Variants in MYO5A observed in about 807,000 individuals in gnomAD.
The protein encoded by MYO5A is unconventional myosin-Va.
Under a neutral mutation model 249.7 loss-of-function variants are expected in MYO5A, and 98 were observed. The observed-to-expected ratio is 0.39, with a 90% CI of 0.33 to 0.46. MYO5A has a LOEUF of 0.46. Ranked by LOEUF, MYO5A falls within the 20% of genes least tolerant of loss-of-function variation. The probability of loss-of-function intolerance (pLI) is 0.98; values close to 1 mark genes in which losing one functional copy is unlikely to be tolerated. For missense variants in MYO5A, 1,696 were observed against 2,308.8 expected (o/e 0.73, Z 5.44); for synonymous variants, 778 against 810.6 (o/e 0.96, Z 0.68).
intron 1 of MYO5A, among the ~76,000 whole-genome samples, chr15:52,488,066 C>T (rs1404098597): frequency 6.6e-6 from 1 of 151,628 alleles, no homozygotes; most frequent in Non-Finnish European, 1.5e-5. Flanking sequence ...ACTTCTGTAG[C>T]AAAAAGTTCC....
intron 9 of MYO5A, among the ~76,000 whole-genome samples, chr15:52,398,014 G>A (rs2042563974): frequency 1.3e-5 from 2 of 152,204 alleles, no homozygotes; most frequent in African/African-American, 2.4e-5. Context: ...GTGAAAGGAG[G>A]AGAAAAGGAT....
At chr15:52,453,288 T>C (rs1305295098) in intron 1 of MYO5A, among the ~76,000 whole-genome samples, 1 of 152,138 alleles carries the variant, frequency 6.6e-6, no homozygotes, top group African/African-American at 2.4e-5. Context: ...TTCAATGTGC[T>C]GAAAGACAAA....
intron 34 of MYO5A, 51 bp from the exon 35 acceptor site, chr15:52,330,550 TGA>T (rs1435805744): frequency 2.5e-6 from 4 of 1,603,894 alleles, no homozygotes; most frequent in African/African-American, 2.7e-5. Context: ...ATAAAAAACA[TGA>T]GAGGTCTCCA....
intron 1 of MYO5A, among the ~76,000 whole-genome samples, chr15:52,472,117 T>C (rs946330428): frequency 2.0e-5 from 3 of 151,300 alleles, no homozygotes; most frequent in Admixed American, 6.6e-5. Context: ...TCGCTCTTGT[T>C]GCCCAGGCTG....
At chr15:52,409,623 T>C (rs2141232227) in intron 6 of MYO5A, among the ~76,000 whole-genome samples, 1 of 152,264 alleles carries the variant, frequency 6.6e-6, no homozygotes, top group East Asian at 1.9e-4. Context: ...TGAACCTCAA[T>C]GCAGTGGGCA....
At chr15:52,458,217 G>A (rs1346827152) in intron 1 of MYO5A, among the ~76,000 whole-genome samples, 4 of 152,268 alleles carry the variant, frequency 2.6e-5, no homozygotes, top group South Asian at 4.1e-4. Context: ...TATAGCTAAC[G>A]ACAATGTATT....
chr15:52,335,075 G>A (rs1323699573), intron 34 of MYO5A, among the ~76,000 whole-genome samples: 1 of 152,246 alleles, frequency 6.6e-6, no homozygotes, highest in Non-Finnish European at 1.5e-5. Flanking sequence ...AACATCCTCA[G>A]TGATGGGGAA....
chr15:52,330,518 A>T lies in MYO5A; in HGVS notation c.4409-19T>A, dbSNP rs1416573574. 2.5e-6 allele frequency: 4 copies of T among 1,613,884 alleles called. No individual in the cohort carries two copies. The highest frequency in any genetic ancestry group is 3.4e-6 in the Non-Finnish European group (4 of 1,179,800). On this transcript the variant is annotated intron_variant, in intron 34 of 41. Coordinates refer to ENST00000399233, the MANE Select transcript of MYO5A (RefSeq NM_001382347.1). ...TGGCCCACTTTATGAGAAGTAAGAA[A>T]GGAGGAGAAAATGTTTTCCATATAA...
intron 1 of MYO5A, among the ~76,000 whole-genome samples, chr15:52,461,269 A>G (rs561559524): frequency 4.6e-5 from 7 of 152,310 alleles, no homozygotes; most frequent in African/African-American, 1.7e-4. Flanking sequence ...TATGTTTTGT[A>G]AAAAGGAAAA....
At chr15:52,369,798 C>T (rs982280183) in intron 22 of MYO5A, among the ~76,000 whole-genome samples, 13 of 151,008 alleles carry the variant, frequency 8.6e-5, no homozygotes, top group Non-Finnish European at 1.9e-4. Context: ...TCACATTAAC[C>T]CTACTGAAGA....
In MYO5A at chr15:52,428,395, T is replaced by C. The variant is rs1189196069; in HGVS notation, c.310+3A>G. On this transcript the variant is annotated splice_donor_region_variant and intron_variant, in intron 3 of 41. Transcript: ENST00000399233. Reference sequence around the variant, plus strand: ...GTCTATTCGGAAAGCAAAGCATACTTACCACAATACGTATAAATAAGTTTG... The same window carrying C: ...GTCTATTCGGAAAGCAAAGCATACTCACCACAATACGTATAAATAAGTTTG... 1.9e-6 allele frequency: 3 copies of C among 1,613,160 alleles called. No individual in the cohort carries two copies. The African/African-American group carries it at 4.0e-5, about 22-fold the overall frequency.
Position 52,451,691 on chromosome 15 carries a change from C to A in MYO5A, c.28-18406G>T, listed in dbSNP as rs533446544. On this transcript the variant is annotated intron_variant, in intron 1 of 41. Coordinates refer to ENST00000399233, the MANE Select transcript of MYO5A (RefSeq NM_001382347.1). ...AAACAATCCATGCTAGATCAAGCCT[C>A]GAGATTTTCTCTCTTGCTTTTTCTT... is the stretch of plus-strand genomic sequence containing the variant. Among the ~76,000 whole-genome samples the A allele has an allele frequency of 2.0e-5, 3 of 152,260 alleles. No homozygotes were observed. In the East Asian group the frequency reaches 5.8e-4, roughly 29 times the overall value.
intron 15 of MYO5A, 137 bp from the exon 16 acceptor site, chr15:52,383,325 A>C: frequency 1.4e-6 from 1 of 734,750 alleles, no homozygotes; most frequent in South Asian, 1.5e-5. Flanking sequence ...TCTTCAGAAG[A>C]GGAGCTGCCA....
At chr15:52,402,013 T>TG (rs2042780424) in intron 9 of MYO5A, among the ~76,000 whole-genome samples, 1 of 152,190 alleles carries the variant, frequency 6.6e-6, no homozygotes, top group Admixed American at 6.5e-5. Context: ...TTTGTTTCAT[T>TG]GGGGGACTTG....
intron 12 of MYO5A, among the ~76,000 whole-genome samples, chr15:52,391,340 G>A (rs1309662574): frequency 6.6e-6 from 1 of 152,142 alleles, no homozygotes; most frequent in Non-Finnish European, 1.5e-5. Context: ...CCTCAATGTT[G>A]TAGGAAGTCT....
intron 1 of MYO5A, among the ~76,000 whole-genome samples, chr15:52,445,365 G>A (rs549781789): frequency 1.3e-4 from 20 of 152,036 alleles, no homozygotes; most frequent in Middle Eastern, 3.4e-3. Context: ...AGCAGATGCC[G>A]CCATGCTTCA....
chr15:52,441,812 T>C (rs145267941), intron 1 of MYO5A, among the ~76,000 whole-genome samples: 4 of 152,318 alleles, frequency 2.6e-5, no homozygotes, highest in Admixed American at 6.5e-5. Context: ...GACTGTGAGC[T>C]CCTTGCAAGG....
At chr15:52,439,944 C>T (rs1057007703) in intron 1 of MYO5A, among the ~76,000 whole-genome samples, 3 of 152,182 alleles carry the variant, frequency 2.0e-5, no homozygotes, top group African/African-American at 7.2e-5. Context: ...AAAATGAAGA[C>T]GGACTAAATT....
chr15:52,384,204 G>C lies in MYO5A; in HGVS notation c.1871C>G (p.Pro624Arg), dbSNP rs1487377589. ...CTTGTGCTCTTTGGCCATTTGGCCT[G>C]GTCTGCCTTTGGTGGGCTTTGCAGG... ...RTPAKPTKGR[P>R]GQMAKEHKKT... Residue 624 changes from proline (P) to arginine (R), a missense_variant, in exon 15 of 42, where the codon CCA becomes CGA. Physicochemically the swap from Pro to Arg is moderately radical, Grantham distance 103 (BLOSUM62 -2). Transcript: ENST00000399233. 2 of 1,614,194 alleles carry C rather than the reference G, an allele frequency of 1.2e-6. No homozygotes were observed. The highest frequency in any genetic ancestry group is 1.7e-5 in the Admixed American group (1 of 60,024).
Sources: allele counts gnomAD v4.1 joint callset (sites outside exome capture counted in the v4.1 genomes callset), GRCh38; gene constraint gnomAD v4.1.1; transcripts MANE v1.5; gene names NCBI Gene and HGNC (gene_info 2026-07-23, HGNC 2026-07-21).